The following RAB8B variants were observed in gnomAD, a reference collection of about 807,000 sequenced individuals.
RAB8B encodes the protein ras-related protein Rab-8B.
In RAB8B, 11 loss-of-function variants were observed where a neutral mutation model predicts 32.0. The observed-to-expected ratio is 0.34, with a 90% confidence interval of 0.22 to 0.57. The LOEUF is 0.57. Among genes scored for constraint, RAB8B ranks in the 20% least tolerant of loss-of-function variants. The probability of loss-of-function intolerance (pLI) is 0.86; values close to 1 mark genes in which losing one functional copy is unlikely to be tolerated. For synonymous variants in RAB8B, 103 were observed against 89.6 expected (o/e 1.15, Z -0.85); for missense variants, 190 against 258.5 (o/e 0.73, Z 1.82).
intron 1 of RAB8B, among the ~76,000 whole-genome samples, chr15:63,233,255 G>T (rs2037951113): frequency 6.6e-6 from 1 of 150,806 alleles, no homozygotes; most frequent in South Asian, 2.1e-4. Context: ...TTAGAGGTGG[G>T]GTCTCATCAT....
chr15:63,223,579 C>G (rs936827556), intron 1 of RAB8B, among the ~76,000 whole-genome samples: 5 of 152,198 alleles, frequency 3.3e-5, no homozygotes, highest in Non-Finnish European at 5.9e-5. Flanking sequence ...ACTACGTAGA[C>G]TAGGTGTGTA....
chr15:63,211,434 T>C (rs1309521963), intron 1 of RAB8B, among the ~76,000 whole-genome samples: 2 of 152,216 alleles, frequency 1.3e-5, no homozygotes, highest in African/African-American at 4.8e-5. Context: ...ATCTCTCTCA[T>C]TGAGATTCTG....
In RAB8B at chr15:63,251,665, A is replaced by C. The variant is rs780919420; in HGVS notation, c.246+1960A>C. Among the ~76,000 whole-genome samples the C allele has an allele frequency of 3.3e-5, 5 of 152,286 alleles. No individual in the cohort carries two copies. In the South Asian group the frequency reaches 1.0e-3, roughly 32 times the overall value. ...AAATAGTATTACCTTCCACATTTTG[A>C]AGGTAGAGATTTCTGTCTTTGTTCT... On this transcript the variant is annotated intron_variant, in intron 3 of 7. Transcript: ENST00000321437.
chr15:63,241,430 C>G (rs768917398), intron 1 of RAB8B, among the ~76,000 whole-genome samples: 1 of 152,112 alleles, frequency 6.6e-6, no homozygotes, highest in Admixed American at 6.5e-5. Context: ...ATACAGTAGG[C>G]ATTTTGAAAG....
rs540549202 is a variant in RAB8B, at chr15:63,267,672, A to G, written c.*4053A>G. ...GTTTAAGCCAATTCATTAACTGTGT[A>G]CTGATACTGATGCTATGTTTTTTTT... On this transcript the variant is annotated 3_prime_UTR_variant, in exon 8 of 8. Coordinates refer to ENST00000321437, the MANE Select transcript of RAB8B (RefSeq NM_016530.3). 1.3e-5 allele frequency: 2 copies of G among 152,252 alleles called. No homozygotes were observed. Among genetic ancestry groups the G allele is most frequent in the South Asian group, 4.2e-4 (2 of 4,812 alleles). 9.4% of individuals were successfully genotyped at this position (152,252 alleles called of 1,614,324 possible).
chr15:63,239,568 C>T (rs1217579619), intron 1 of RAB8B, among the ~76,000 whole-genome samples: 2 of 152,084 alleles, frequency 1.3e-5, no homozygotes, highest in South Asian at 4.1e-4. Flanking sequence ...AGGCACCCAC[C>T]ACCACACCCA....
At chr15:63,215,480 G>A (rs1041726065) in intron 1 of RAB8B, among the ~76,000 whole-genome samples, 1 of 152,120 alleles carries the variant, frequency 6.6e-6, no homozygotes, top group Non-Finnish European at 1.5e-5. Flanking sequence ...TTGTCATACT[G>A]TATTTCTTTT....
At chr15:63,243,735 ATT>A (rs1239422272) in intron 1 of RAB8B, among the ~76,000 whole-genome samples, 1 of 151,820 alleles carries the variant, frequency 6.6e-6, no homozygotes, top group Admixed American at 6.6e-5. Flanking sequence ...TTTTTTCAAC[ATT>A]TCTCAGTCAT....
chr15:63,262,233 G>A (rs191390677), intron 6 of RAB8B, among the ~76,000 whole-genome samples: 1 of 152,228 alleles, frequency 6.6e-6, no homozygotes, highest in South Asian at 2.1e-4. Flanking sequence ...CAGAGCTTCT[G>A]TCCTGTTCTT....
At chr15:63,209,171 G>A (rs4984254) in intron 1 of RAB8B, among the ~76,000 whole-genome samples, 152,140 of 152,140 alleles carry the variant, frequency 1, 76,070 homozygotes, top group Non-Finnish European at 1. Flanking sequence ...GACCCACGAT[G>A]AATTCCTTTA....
Position 63,238,662 on chromosome 15 carries a change from A to G in RAB8B, c.125-6094A>G, listed in dbSNP as rs560427437. Among the ~76,000 whole-genome samples, 12 of 152,258 alleles carry G rather than the reference A, an allele frequency of 7.9e-5. No individual in the cohort carries two copies. The South Asian group carries it at 2.5e-3, about 32-fold the overall frequency. ...TTTGAGTATTATATAGAGGATATAT[A>G]ATAGGTATATAATATAGAGGATATT... On this transcript the variant is annotated intron_variant, in intron 1 of 7. Coordinates refer to ENST00000321437, the MANE Select transcript of RAB8B (RefSeq NM_016530.3).
At chr15:63,240,363 G>C (rs2038022212) in intron 1 of RAB8B, among the ~76,000 whole-genome samples, 1 of 152,132 alleles carries the variant, frequency 6.6e-6, no homozygotes, top group Non-Finnish European at 1.5e-5. Context: ...GAATTTCAGA[G>C]TTCCCAGAGC....
At chr15:63,249,798 T>C (rs1222405566) in intron 3 of RAB8B, 93 bp downstream of exon 3, 17 of 1,316,338 alleles carry the variant, frequency 1.3e-5, no homozygotes, top group Non-Finnish European at 1.8e-5. Flanking sequence ...TGGAGTCTAG[T>C]ATGTAGAAAA....
At chr15:63,232,463 T>C (rs1291640746) in intron 1 of RAB8B, among the ~76,000 whole-genome samples, 1 of 152,226 alleles carries the variant, frequency 6.6e-6, no homozygotes, top group Non-Finnish European at 1.5e-5. Context: ...TTTGTTGGTA[T>C]GATTAGATCT....
At chr15:63,246,296 G>C (rs1294465512) in intron 2 of RAB8B, among the ~76,000 whole-genome samples, 1 of 152,144 alleles carries the variant, frequency 6.6e-6, no homozygotes, top group East Asian at 1.9e-4. Flanking sequence ...TTGGATTTGG[G>C]AGCATTTTAG....
At chr15:63,193,593 C>T (rs981161096) in intron 1 of RAB8B, among the ~76,000 whole-genome samples, 1 of 152,152 alleles carries the variant, frequency 6.6e-6, no homozygotes, top group African/African-American at 2.4e-5. Flanking sequence ...AGGCGGATCA[C>T]AAGGTCAGGA....
chr15:63,212,719 C>T (rs1242391482), intron 1 of RAB8B, among the ~76,000 whole-genome samples: 1 of 152,078 alleles, frequency 6.6e-6, no homozygotes, highest in Non-Finnish European at 1.5e-5. Flanking sequence ...TTCCGTATTC[C>T]CTAAAACAGC....
chr15:63,216,286 C>T (rs8025325), intron 1 of RAB8B, among the ~76,000 whole-genome samples: 12 of 145,904 alleles, frequency 8.2e-5, no homozygotes, highest in Non-Finnish European at 1.6e-4. Context: ...TGGAGTGCAG[C>T]GGCACAATCT....
At chr15:63,193,423 T>C (rs2037574661) in intron 1 of RAB8B, among the ~76,000 whole-genome samples, 1 of 152,232 alleles carries the variant, frequency 6.6e-6, no homozygotes, top group Non-Finnish European at 1.5e-5. Flanking sequence ...TTTGAAATTA[T>C]TGGTCAAGTG....
Sources: gnomAD v4.1 joint callset for allele counts (sites outside exome capture counted in the v4.1 genomes callset) on GRCh38, gnomAD v4.1.1 for gene constraint, MANE v1.5 for transcripts, NCBI Gene and HGNC (gene_info 2026-07-23, HGNC 2026-07-21) for gene names.